DTD1: variants seen among roughly 807,000 people sequenced by gnomAD.
DTD1 encodes the protein D-aminoacyl-tRNA deacylase 1.
Under a neutral mutation model 25.6 loss-of-function variants are expected in DTD1, and 13 were observed. That is an observed-to-expected ratio of 0.51 (90% CI 0.33 to 0.81). The LOEUF is 0.81. Ranked by LOEUF, DTD1 falls within the 30% of genes least tolerant of loss-of-function variation. DTD1 has a pLI of 0.02. For synonymous variants in DTD1, 110 were observed against 103.6 expected (o/e 1.06, Z -0.37); for missense variants, 193 against 266.4 (o/e 0.72, Z 1.92).
intron 4 of DTD1, among the ~76,000 whole-genome samples, chr20:18,636,504 A>G (rs937813621): frequency 3.3e-5 from 5 of 152,230 alleles, no homozygotes; most frequent in African/African-American, 4.8e-5. Context: ...TTTTACAGGC[A>G]TAGATAAAAC....
intron 4 of DTD1, among the ~76,000 whole-genome samples, chr20:18,717,936 G>A (rs2122488324): frequency 6.6e-6 from 1 of 152,260 alleles, no homozygotes; most frequent in East Asian, 1.9e-4. Context: ...TAACAGTCCA[G>A]GATTAAAGAT....
chr20:18,665,623 A>G (rs1371916295), intron 4 of DTD1, among the ~76,000 whole-genome samples: 2 of 152,220 alleles, frequency 1.3e-5, no homozygotes, highest in Admixed American at 6.5e-5. Context: ...TAGGACCACC[A>G]TTCCTGAAAA....
chr20:18,639,593 C>G (rs1467314705), intron 4 of DTD1, among the ~76,000 whole-genome samples: 2 of 152,142 alleles, frequency 1.3e-5, no homozygotes, highest in African/African-American at 4.8e-5. Context: ...GGTCAAGAGT[C>G]TCGCAGCAGC....
intron 4 of DTD1, among the ~76,000 whole-genome samples, chr20:18,707,217 G>A (rs2061130157): frequency 6.6e-6 from 1 of 152,248 alleles, no homozygotes; most frequent in South Asian, 2.1e-4. Context: ...TTCAGAAAGA[G>A]AGTTTCGTTC....
In DTD1 at chr20:18,694,670, C is replaced by T. The variant is rs141847508; in HGVS notation, c.478-49430C>T. Among the ~76,000 whole-genome samples, 525 of 152,298 alleles carry T rather than the reference C, an allele frequency of 3.4e-3. 1 individual carries two copies. The highest frequency in any genetic ancestry group is 0.012 in the African/African-American group (483 of 41,556). On this transcript the variant is annotated intron_variant, in intron 4 of 5. Coordinates refer to ENST00000377452, the MANE Select transcript of DTD1 (RefSeq NM_080820.6). ...GCAGCCGGGCCTTCCGAAATGATTGCATTTCCCTGAGGGGGACATGCCTCG... is the reference window on the plus strand; with the variant it reads ...GCAGCCGGGCCTTCCGAAATGATTGTATTTCCCTGAGGGGGACATGCCTCG...
At chr20:18,654,868 T>C (rs1279126096) in intron 4 of DTD1, among the ~76,000 whole-genome samples, 3 of 152,168 alleles carry the variant, frequency 2.0e-5, no homozygotes, top group Non-Finnish European at 2.9e-5. Flanking sequence ...CATACGGGAA[T>C]AAAAGTCTCT....
Position 18,749,528 on chromosome 20 carries a change from C to T in DTD1, c.*19+5257C>T, listed in dbSNP as rs945965480. Among the ~76,000 whole-genome samples the T allele has an allele frequency of 3.9e-5, 6 of 152,134 alleles. No individual in the cohort carries two copies. The highest frequency in any genetic ancestry group is 1.5e-5 in the Non-Finnish European group (1 of 68,014). On this transcript the variant is annotated intron_variant, in intron 5 of 5. Transcript: ENST00000377452. This position sits in a 1 kb window ranked among gnomAD's most constrained non-coding sequence, Gnocchi z 4.2. ...GCTCTTCATAGCACTGACAGTCCCT[C>T]CAGGTCTCAGCTGTGACCTCCACTG...
chr20:18,607,476 T>C (rs1208759411), intron 3 of DTD1, among the ~76,000 whole-genome samples: 1 of 152,064 alleles, frequency 6.6e-6, no homozygotes, highest in Admixed American at 6.5e-5. Flanking sequence ...TTTCTTTATC[T>C]GGTTTCGGTA....
At chr20:18,626,122 T>C (rs1600327786) in intron 3 of DTD1, among the ~76,000 whole-genome samples, 2 of 152,198 alleles carry the variant, frequency 1.3e-5, no homozygotes, top group African/African-American at 2.4e-5. Flanking sequence ...GGCATGACAA[T>C]AGTAATAATA....
chr20:18,608,833 G>C (rs2060673947), intron 3 of DTD1, among the ~76,000 whole-genome samples: 1 of 152,076 alleles, frequency 6.6e-6, no homozygotes, highest in Non-Finnish European at 1.5e-5. Flanking sequence ...TAATGGTCCT[G>C]GTTTTCAGGA....
intron 5 of DTD1, among the ~76,000 whole-genome samples, chr20:18,760,833 G>A (rs1568693111): frequency 6.6e-6 from 1 of 152,236 alleles, no homozygotes; most frequent in Non-Finnish European, 1.5e-5. Flanking sequence ...GTCCCCAGAG[G>A]TGGAGTCTAC....
chr20:18,708,221 AT>A (rs2061136443), intron 4 of DTD1, among the ~76,000 whole-genome samples: 2 of 4,932 alleles, frequency 4.1e-4, no homozygotes, highest in African/African-American at 8.4e-4. Flanking sequence ...TATATATAAT[AT>A]ATATATATTT....
chr20:18,654,914 C>G (rs1252033130), intron 4 of DTD1, among the ~76,000 whole-genome samples: 2 of 152,118 alleles, frequency 1.3e-5, no homozygotes, highest in Non-Finnish European at 2.9e-5. Context: ...TTAAAAGCAT[C>G]AATCAATATT....
chr20:18,673,212 T>C (rs1299031174), intron 4 of DTD1, among the ~76,000 whole-genome samples: 3 of 152,350 alleles, frequency 2.0e-5, no homozygotes, highest in Non-Finnish European at 1.5e-5. Context: ...AAGTCCCAAG[T>C]TGAAATTTTG....
At chr20:18,624,756 T>C (rs2060750614) in intron 3 of DTD1, among the ~76,000 whole-genome samples, 1 of 152,166 alleles carries the variant, frequency 6.6e-6, no homozygotes, top group Non-Finnish European at 1.5e-5. Context: ...GAGCAAAGTT[T>C]GATAATCAGG....
At chr20:18,746,441 T>A (rs2061300546) in intron 5 of DTD1, among the ~76,000 whole-genome samples, 1 of 152,088 alleles carries the variant, frequency 6.6e-6, no homozygotes, top group Non-Finnish European at 1.5e-5. Flanking sequence ...CTTACACCTG[T>A]AATCCTAGCA....
chr20:18,691,783 A>C (rs1210335545), intron 4 of DTD1, among the ~76,000 whole-genome samples: 1 of 152,132 alleles, frequency 6.6e-6, no homozygotes, highest in African/African-American at 2.4e-5. Context: ...GAAAAGAAAA[A>C]TTTAAATAGC....
intron 4 of DTD1, among the ~76,000 whole-genome samples, chr20:18,741,848 C>T (rs1161523290): frequency 1.3e-5 from 2 of 151,704 alleles, no homozygotes; most frequent in African/African-American, 4.8e-5. Context: ...TCAGCCTCCC[C>T]AGTAGCTGGG....
chr20:18,686,037 C>G (rs548920853), intron 4 of DTD1, among the ~76,000 whole-genome samples: 27 of 152,328 alleles, frequency 1.8e-4, no homozygotes, highest in Admixed American at 3.3e-4. Context: ...AGTGGCCTCA[C>G]TTTTGTCGCC....
Sources: allele counts gnomAD v4.1 joint callset (sites outside exome capture counted in the v4.1 genomes callset), GRCh38; gene constraint gnomAD v4.1.1; non-coding constraint Gnocchi (gnomAD v3.1); transcripts MANE v1.5; gene names NCBI Gene and HGNC (gene_info 2026-07-23, HGNC 2026-07-21).